The following NSD1 variants were observed in gnomAD, a reference collection of about 807,000 sequenced individuals.
NSD1 encodes the protein histone-lysine N-methyltransferase, H3 lysine-36 specific.
NSD1 carries 26 observed loss-of-function variants against 242.7 expected under a neutral mutation model. The observed-to-expected ratio is 0.11, with a 90% confidence interval of 0.08 to 0.15. The LOEUF (loss-of-function observed/expected upper bound fraction) is 0.15, where lower values mean the gene tolerates loss of function less well. NSD1 is among the 10% of genes least tolerant of loss of function. The pLI is 1.00. For synonymous variants in NSD1, 1,106 were observed against 1,178.1 expected (o/e 0.94, Z 1.25); for missense variants, 2,495 against 3,272.8 (o/e 0.76, Z 5.80).
At chr5:177,271,202 G>A (rs1757919011) in intron 16 of NSD1, among the ~76,000 whole-genome samples, 1 of 152,146 alleles carries the variant, frequency 6.6e-6, no homozygotes, top group African/African-American at 2.4e-5. Context: ...CGGGATTTTG[G>A]TATTATTAAT....
intron 14 of NSD1, among the ~76,000 whole-genome samples, chr5:177,260,852 T>C (rs1423504114): frequency 1.3e-5 from 2 of 152,172 alleles, no homozygotes; most frequent in Non-Finnish European, 2.9e-5. Context: ...TGTCAGCAGA[T>C]AGAAAGTCTG....
At chr5:177,250,054 C>T (rs1484689128) in intron 11 of NSD1, among the ~76,000 whole-genome samples, 1 of 152,174 alleles carries the variant, frequency 6.6e-6, no homozygotes, top group Admixed American at 6.5e-5. Flanking sequence ...CCACTGCACT[C>T]CCACCTGGGT....
chr5:177,224,128 G>T (rs1395739511), intron 5 of NSD1, among the ~76,000 whole-genome samples: 1 of 152,156 alleles, frequency 6.6e-6, no homozygotes, highest in Non-Finnish European at 1.5e-5. Context: ...CCTTTTTCAA[G>T]ATCATTTTGG....
chr5:177,284,637 G>T (rs1759158933), intron 20 of NSD1, among the ~76,000 whole-genome samples: 1 of 152,104 alleles, frequency 6.6e-6, no homozygotes. Flanking sequence ...GGTTTTAATG[G>T]AACAAATTTT....
intron 21 of NSD1, among the ~76,000 whole-genome samples, chr5:177,289,235 C>T (rs1380724179): frequency 6.6e-6 from 1 of 151,944 alleles, no homozygotes; most frequent in Non-Finnish European, 1.5e-5. Flanking sequence ...GCAGGAGAAT[C>T]CCTTGAACCC....
intron 8 of NSD1, among the ~76,000 whole-genome samples, chr5:177,243,737 G>A (rs1213404223): frequency 1.3e-5 from 2 of 151,794 alleles, no homozygotes; most frequent in Non-Finnish European, 2.9e-5. Context: ...TTGTTGCCTA[G>A]ACTGGAGTGC....
chr5:177,162,392 A>AGTTTGTTT (rs151062416), intron 2 of NSD1, among the ~76,000 whole-genome samples: 15 of 151,030 alleles, frequency 9.9e-5, no homozygotes, highest in Admixed American at 2.0e-4. Flanking sequence ...AAGTCATTAT[A>AGTTTGTTT]GTTTGTTTGT....
At chr5:177,215,286 T>C (rs1763683201) in intron 5 of NSD1, among the ~76,000 whole-genome samples, 1 of 151,700 alleles carries the variant, frequency 6.6e-6, no homozygotes, top group African/African-American at 2.4e-5. Flanking sequence ...CTCAAGCAAT[T>C]CTGCCTCAGC....
intron 16 of NSD1, 38 bp from the exon 17 acceptor site, chr5:177,273,634 A>C: frequency 5.6e-6 from 8 of 1,437,690 alleles, no homozygotes; most frequent in Non-Finnish European, 7.8e-6. Context: ...AATTCCACCC[A>C]GAGATTTTGA....
chr5:177,199,189 C>T (rs1373797172), intron 3 of NSD1, among the ~76,000 whole-genome samples: 1 of 152,206 alleles, frequency 6.6e-6, no homozygotes, highest in Non-Finnish European at 1.5e-5. Context: ...AAATATTGCA[C>T]AACTGTAGAC....
Position 177,210,915 on chromosome 5 carries a change from T to C in NSD1, c.2516T>C (p.Leu839Pro), listed in dbSNP as rs565892442. The C allele has an allele frequency of 6.2e-7, 1 of 1,614,028 alleles. No individual in the cohort carries two copies. Among genetic ancestry groups the C allele is most frequent in the African/African-American group, 1.3e-5 (1 of 74,920 alleles). ...KSGKVDGLKL[L>P]NNMHEKTRDS... ...GGGAAAGTGGATGGTCTAAAACTAC[T>C]GAACAATATGCATGAGAAAACCAGG... Residue 839 changes from leucine to proline, a missense_variant, in exon 5 of 23, where the codon CTG (leucine) becomes CCG (proline). By Grantham distance (98) the Leu-to-Pro change is moderately conservative. Transcript: ENST00000439151.
At chr5:177,239,937 T>C in intron 8 of NSD1, 72 bp downstream of exon 8, 1 of 921,304 alleles carries the variant, frequency 1.1e-6, no homozygotes, top group Admixed American at 1.9e-5. Flanking sequence ...ACATTTTGAG[T>C]AGCAGTTATA....
intron 12 of NSD1, among the ~76,000 whole-genome samples, chr5:177,252,995 G>T (rs1756131221): frequency 6.6e-6 from 1 of 152,104 alleles, no homozygotes; most frequent in Admixed American, 6.6e-5. Context: ...CTTATAACGA[G>T]TTACTGGAAG....
upstream of NSD1, among the ~76,000 whole-genome samples, chr5:177,132,033 C>G (rs1755920702): frequency 6.6e-6 from 1 of 152,222 alleles, no homozygotes; most frequent in Non-Finnish European, 1.5e-5. This position sits in a 1 kb window ranked among gnomAD's most constrained non-coding sequence, Gnocchi z 7.5. Context: ...CCAGCTTGGG[C>G]TCCCTGTCCC....
chr5:177,289,136 A>G (rs1243563806), intron 21 of NSD1, among the ~76,000 whole-genome samples: 2 of 152,162 alleles, frequency 1.3e-5, no homozygotes. Flanking sequence ...CCTGGCCAAC[A>G]TGATGAAACC....
Position 177,153,314 on chromosome 5 carries a change from A to G in NSD1, c.927+17284A>G, listed in dbSNP as rs1044353205. Reference sequence around the variant, plus strand: ...TATTTCTGGATGGCTTTCCAAAAGGATTTTACCATTTTACACACAGTTCTA... The same window carrying G: ...TATTTCTGGATGGCTTTCCAAAAGGGTTTTACCATTTTACACACAGTTCTA... On this transcript the variant is annotated intron_variant, in intron 2 of 22. Coordinates refer to ENST00000439151, the MANE Select transcript of NSD1 (RefSeq NM_022455.5). Among the ~76,000 whole-genome samples the G allele has an allele frequency of 3.3e-5, 5 of 151,506 alleles. No individual in the cohort carries two copies. In the South Asian group the frequency reaches 1.0e-3, roughly 31 times the overall value.
chr5:177,137,866 CT>C (rs1756468736), intron 2 of NSD1, among the ~76,000 whole-genome samples: 1 of 151,970 alleles, frequency 6.6e-6, no homozygotes, highest in Non-Finnish European at 1.5e-5. Context: ...GACAGATCAC[CT>C]GAGGTCAGGA....
intron 5 of NSD1, among the ~76,000 whole-genome samples, chr5:177,216,970 A>T: frequency 6.7e-6 from 1 of 149,286 alleles, no homozygotes. Context: ...TTTCTTCTCA[A>T]GATTGTTTTG....
chr5:177,202,413 T>C (rs1762579706), intron 3 of NSD1, among the ~76,000 whole-genome samples: 1 of 152,138 alleles, frequency 6.6e-6, no homozygotes, highest in Non-Finnish European at 1.5e-5. Flanking sequence ...AGGGGCTTGC[T>C]GTACTGCCAG....
Sources: allele counts gnomAD v4.1 joint callset (sites outside exome capture counted in the v4.1 genomes callset), GRCh38; gene constraint gnomAD v4.1.1; non-coding constraint Gnocchi (gnomAD v3.1); transcripts MANE v1.5; gene names NCBI Gene and HGNC (gene_info 2026-07-23, HGNC 2026-07-21).